Variants in MMP26 observed in about 807,000 individuals in gnomAD.
MMP26 encodes the protein matrix metallopeptidase 26, also known as matrix metalloproteinase-26.
Under a neutral mutation model 31.0 loss-of-function variants are expected in MMP26, and 33 were observed. The observed-to-expected ratio is 1.06, with a 90% CI of 0.81 to 1.42. The LOEUF (loss-of-function observed/expected upper bound fraction) is 1.42. MMP26 is among the 40% of genes most tolerant of loss of function. MMP26 has a pLI of 0.00. For missense variants in MMP26, 347 were observed against 316.1 expected (o/e 1.10, Z -0.74); for synonymous variants, 122 against 114.9 (o/e 1.06, Z -0.40).
chr11:4,866,179 G>A (rs1850231582), intron 2 of MMP26, among the ~76,000 whole-genome samples: 1 of 152,078 alleles, frequency 6.6e-6, no homozygotes, highest in South Asian at 2.1e-4. Context: ...TGATCTGAAA[G>A]TAATCAGTGG....
chr11:4,806,946 G>T (rs1849278565), intron 2 of MMP26, among the ~76,000 whole-genome samples: 1 of 151,936 alleles, frequency 6.6e-6, no homozygotes, highest in Non-Finnish European at 1.5e-5. Flanking sequence ...ATTGTCGTGG[G>T]GACAGTCCCC....
At chr11:4,796,809 A>T (rs978532694) in intron 2 of MMP26, among the ~76,000 whole-genome samples, 9 of 152,076 alleles carry the variant, frequency 5.9e-5, no homozygotes, top group African/African-American at 1.9e-4. Context: ...TGCTATACCT[A>T]AGGCAATCTC....
chr11:4,972,425 T>C (rs536774826), intron 2 of MMP26, among the ~76,000 whole-genome samples: 2 of 152,306 alleles, frequency 1.3e-5, no homozygotes, highest in African/African-American at 4.8e-5. Context: ...AATAAAGCAT[T>C]GTTTATTTTA....
chr11:4,710,374 A>G (rs1847845562), intron 1 of MMP26: 1 of 456,792 alleles, frequency 2.2e-6, no homozygotes, highest in South Asian at 1.5e-5. Flanking sequence ...TTTGGAAAGC[A>G]TGCCCCTCCC....
intron 2 of MMP26, chr11:4,769,381 GGAGT>G (rs756848091): frequency 3.3e-5 from 54 of 1,613,890 alleles, no homozygotes; most frequent in Non-Finnish European, 4.3e-5. Context: ...GGTAACAATA[GGAGT>G]GAGAAAGGGC....
At chr11:4,895,992 T>C (rs540094817) in intron 2 of MMP26, among the ~76,000 whole-genome samples, 2 of 152,292 alleles carry the variant, frequency 1.3e-5, no homozygotes, top group African/African-American at 4.8e-5. Context: ...AAGTCTCCTC[T>C]TGTCTGGCAA....
intron 1 of MMP26, among the ~76,000 whole-genome samples, chr11:4,708,148 G>A (rs1011245292): frequency 3.9e-5 from 6 of 152,202 alleles, no homozygotes; most frequent in African/African-American, 1.2e-4. Context: ...CCCGATTCTC[G>A]TATGTAAAGT....
At chr11:4,821,914 G>A in intron 2 of MMP26, 5 of 1,613,946 alleles carry the variant, frequency 3.1e-6, no homozygotes, top group Non-Finnish European at 4.2e-6. Context: ...CATGCTCTTT[G>A]TCAAGAGGTT....
At chr11:4,850,141 A>G (rs963103972) in intron 2 of MMP26, among the ~76,000 whole-genome samples, 1 of 151,948 alleles carries the variant, frequency 6.6e-6, no homozygotes, top group Non-Finnish European at 1.5e-5. Flanking sequence ...GGCCCTCTTT[A>G]TTTTCCTAAG....
chr11:4,783,524 C>T (rs922592304), intron 2 of MMP26, among the ~76,000 whole-genome samples: 2 of 152,104 alleles, frequency 1.3e-5, no homozygotes, highest in African/African-American at 2.4e-5. Flanking sequence ...AGACTTTGGA[C>T]TGTGGACTTT....
At chr11:4,935,238 C>T (rs1484273596) in intron 2 of MMP26, among the ~76,000 whole-genome samples, 450 of 150,656 alleles carry the variant, frequency 3.0e-3, no homozygotes, top group African/African-American at 0.011. Flanking sequence ...TGTTTGTATC[C>T]TCTTTTATTT....
chr11:4,801,183 T>A (rs1564912620), intron 2 of MMP26, among the ~76,000 whole-genome samples: 1 of 152,240 alleles, frequency 6.6e-6, no homozygotes, highest in Non-Finnish European at 1.5e-5. Flanking sequence ...TTCTCTGAAC[T>A]CTTCTAACCT....
At chr11:4,889,836 G>A (rs1419749868) in intron 2 of MMP26, 4 of 174,026 alleles carry the variant, frequency 2.3e-5, no homozygotes, top group Admixed American at 2.2e-4. Context: ...AGGGCCTTGA[G>A]CCGCTCCCTA....
intron 2 of MMP26, among the ~76,000 whole-genome samples, chr11:4,851,643 A>G (rs12808053): frequency 0.096 from 14,550 of 151,952 alleles, 891 homozygotes; most frequent in Middle Eastern, 0.18. Context: ...GTGTGTCTGT[A>G]TATGTATGTA....
At chr11:4,907,829 C>A (rs376236015) in intron 2 of MMP26, 2 of 1,613,750 alleles carry the variant, frequency 1.2e-6, no homozygotes, top group South Asian at 1.1e-5. Context: ...TAGGAGCATT[C>A]TCTTAGTGAT....
intron 2 of MMP26, among the ~76,000 whole-genome samples, chr11:4,982,812 A>G (rs935372644): frequency 2.6e-5 from 4 of 152,158 alleles, no homozygotes; most frequent in African/African-American, 7.2e-5. Flanking sequence ...CAAAACCTAT[A>G]CTCTAATCAA....
intron 1 of MMP26, among the ~76,000 whole-genome samples, chr11:4,746,106 C>G (rs1224569622): frequency 1.3e-5 from 2 of 152,176 alleles, no homozygotes; most frequent in Non-Finnish European, 2.9e-5. Context: ...ATGCCATTAT[C>G]AAAATTTGAA....
chr11:4,854,141 C>T (rs1319264273), intron 2 of MMP26, among the ~76,000 whole-genome samples: 1 of 152,186 alleles, frequency 6.6e-6, no homozygotes, highest in East Asian at 1.9e-4. Flanking sequence ...CTATAGCTCC[C>T]AGCATGAGTG....
chr11:4,796,717 G>C (rs899357250), intron 2 of MMP26, among the ~76,000 whole-genome samples: 1 of 152,170 alleles, frequency 6.6e-6, no homozygotes, highest in Non-Finnish European at 1.5e-5. Flanking sequence ...AATTTCTCCA[G>C]TCACACACTG....
Sources: allele counts gnomAD v4.1 joint callset (sites outside exome capture counted in the v4.1 genomes callset), GRCh38; gene constraint gnomAD v4.1.1; transcripts MANE v1.5; gene names NCBI Gene and HGNC (gene_info 2026-07-23, HGNC 2026-07-21).